The following GKAP1 variants were observed in gnomAD, a reference collection of about 807,000 sequenced individuals.
The protein encoded by GKAP1 is G kinase-anchoring protein 1.
In GKAP1, 31 loss-of-function variants were observed where a neutral mutation model predicts 56.7. That is an observed-to-expected ratio of 0.55 (90% CI 0.41 to 0.74). The LOEUF is 0.74. GKAP1 is among the 30% of genes least tolerant of loss of function. GKAP1 has a pLI of 0.00. For missense variants in GKAP1, 364 were observed against 402.3 expected, an observed-to-expected ratio of 0.90 and a Z score of 0.82; for synonymous variants, 151 against 138.6, an observed-to-expected ratio of 1.09 and a Z score of -0.63.
chr9:83,743,261 A>T (rs1012223045), intron 10 of GKAP1, among the ~76,000 whole-genome samples: 2 of 152,208 alleles, frequency 1.3e-5, no homozygotes, highest in African/African-American at 4.8e-5. Context: ...AAAATTTCAC[A>T]TATGGAAAAA....
chr9:83,763,167 G>A (rs1016851754), intron 8 of GKAP1, among the ~76,000 whole-genome samples: 2 of 152,186 alleles, frequency 1.3e-5, no homozygotes, highest in Middle Eastern at 6.3e-3. Context: ...TATGCTAAGT[G>A]AAATAAGCCA....
At chr9:83,753,112 T>A (rs1227340901) in intron 9 of GKAP1, 146 bp downstream of exon 9, 1 of 566,552 alleles carries the variant, frequency 1.8e-6, no homozygotes, top group Admixed American at 3.4e-5. Flanking sequence ...TCATTCAGAC[T>A]TTAAACCATT....
chr9:83,769,063 G>T, intron 7 of GKAP1, 93 bp from the exon 8 acceptor site: 1 of 885,758 alleles, frequency 1.1e-6, no homozygotes, highest in Non-Finnish European at 1.7e-6. Flanking sequence ...TATGCATTTA[G>T]TACACCTAGT....
chr9:83,754,195 G>A (rs1200250870), intron 8 of GKAP1, among the ~76,000 whole-genome samples: 2 of 152,176 alleles, frequency 1.3e-5, no homozygotes, highest in African/African-American at 2.4e-5. Flanking sequence ...TTTAAAAAGT[G>A]AGAAAATGCT....
chr9:83,788,653 T>A lies in GKAP1; in HGVS notation c.386A>T (p.Asp129Val). 6.2e-7 allele frequency: 1 copy of A among 1,606,294 alleles called. No individual in the cohort carries two copies. Among genetic ancestry groups the A allele is most frequent in the African/African-American group, 1.3e-5 (1 of 74,870 alleles). Residue 129 changes from aspartate to valine, a missense_variant, in exon 5 of 13, where the codon GAT (aspartate) becomes GTT (valine). Transcript: ENST00000376371. ...ACTTAGTAACAATGCCTTCTCAAGA[T>A]CTGCTTCAAACATTTCAGATGTCAG... is the stretch of plus-strand genomic sequence containing the variant. ...EQLTSEMFEADLEKALLLSKL... is the reference protein window; with the variant it reads ...EQLTSEMFEAVLEKALLLSKL...
chr9:83,816,111 C>T (rs1466861127), intron 2 of GKAP1, among the ~76,000 whole-genome samples: 1 of 151,218 alleles, frequency 6.6e-6, no homozygotes. Context: ...GCTGCTTGAA[C>T]CTGGAAGGCA....
chr9:83,812,753 T>C (rs1415278817), intron 2 of GKAP1, among the ~76,000 whole-genome samples: 2 of 152,038 alleles, frequency 1.3e-5, no homozygotes, highest in East Asian at 3.9e-4. Flanking sequence ...ACAATATTGA[T>C]TTTTTTGCCC....
At chr9:83,779,548 CGTGTATATGTGTATATAT>C in intron 7 of GKAP1, among the ~76,000 whole-genome samples, 1 of 91,146 alleles carries the variant, frequency 1.1e-5, no homozygotes, top group East Asian at 4.2e-4. Flanking sequence ...TATATATACA[CGTGTATATGTGTATATAT>C]ATACACACAT....
At chr9:83,804,921 G>A (rs1345175924) in intron 3 of GKAP1, among the ~76,000 whole-genome samples, 1 of 151,928 alleles carries the variant, frequency 6.6e-6, no homozygotes, top group Non-Finnish European at 1.5e-5. Context: ...GCCCCTACTG[G>A]GAAGTGAGGA....
At chr9:83,746,213 T>C (rs1943290906) in intron 10 of GKAP1, among the ~76,000 whole-genome samples, 2 of 152,256 alleles carry the variant, frequency 1.3e-5, no homozygotes, top group African/African-American at 4.8e-5. Flanking sequence ...TTTTTACTCA[T>C]TGTTTGACAA....
intron 3 of GKAP1, among the ~76,000 whole-genome samples, chr9:83,804,536 C>T: frequency 1.3e-5 from 1 of 78,968 alleles, no homozygotes; most frequent in Non-Finnish European, 2.6e-5. Flanking sequence ...GGGGGTCAGC[C>T]CCCCGCCCAG....
intron 9 of GKAP1, among the ~76,000 whole-genome samples, chr9:83,749,480 G>A (rs902555149): frequency 6.6e-6 from 1 of 152,004 alleles, no homozygotes; most frequent in Non-Finnish European, 1.5e-5. Context: ...ACCCGCCTTG[G>A]CCTCCCCAAA....
chr9:83,788,201 C>T (rs1323241389), intron 5 of GKAP1, among the ~76,000 whole-genome samples: 1 of 152,176 alleles, frequency 6.6e-6, no homozygotes, highest in Admixed American at 6.5e-5. Flanking sequence ...TCGCTTGAAC[C>T]TGGGAGGCGG....
chr9:83,774,267 G>T (rs1943813023), intron 7 of GKAP1, among the ~76,000 whole-genome samples: 1 of 151,962 alleles, frequency 6.6e-6, no homozygotes, highest in Non-Finnish European at 1.5e-5. Context: ...AATACCAATG[G>T]GGACACTGGC....
intron 5 of GKAP1, among the ~76,000 whole-genome samples, chr9:83,786,108 CCTT>C (rs1161395437): frequency 2.0e-5 from 3 of 152,114 alleles, no homozygotes; most frequent in South Asian, 2.1e-4. Context: ...CACTGAAAAG[CCTT>C]CTATTATTCT....
chr9:83,755,549 C>A (rs1943460049), intron 8 of GKAP1, among the ~76,000 whole-genome samples: 1 of 151,410 alleles, frequency 6.6e-6, no homozygotes, highest in South Asian at 2.1e-4. Flanking sequence ...TTTTAGAAAT[C>A]TTGATGAATA....
rs528359144 is a variant in GKAP1, at chr9:83,760,090, T to C, written c.739-6731A>G. On this transcript the variant is annotated intron_variant, in intron 8 of 12. Coordinates refer to ENST00000376371, the MANE Select transcript of GKAP1 (RefSeq NM_025211.4). The stretch of plus-strand genomic sequence containing the variant: ...CTGCATGTTCAAATTCTATTGTCTT[T>C]ATAGAACAGCTGAATGGATTAAAAA... Among the ~76,000 whole-genome samples the C allele has an allele frequency of 2.6e-5, 4 of 152,284 alleles. No individual in the cohort carries two copies. In the South Asian group the frequency reaches 8.3e-4, roughly 32 times the overall value.
At chr9:83,811,640 A>T (rs1371218336) in intron 2 of GKAP1, among the ~76,000 whole-genome samples, 1 of 152,206 alleles carries the variant, frequency 6.6e-6, no homozygotes, top group East Asian at 1.9e-4. Flanking sequence ...CTGAAAGGGT[A>T]CTTCTGTCAG....
In GKAP1 at chr9:83,793,025, T is replaced by C. The variant is rs1029181494; in HGVS notation, c.361-4347A>G. On this transcript the variant is annotated intron_variant, in intron 4 of 12. Transcript: ENST00000376371. ...TTGCCTCCTACTCCCCATCTAGTAG[T>C]AAAACATTTTTTCTTCTATTTAAGC... 10 of 1,272,966 alleles carry C rather than the reference T, an allele frequency of 7.9e-6. No individual in the cohort carries two copies. The South Asian group carries it at 1.0e-4, about 13-fold the overall frequency. The allele number at this position is 1,272,966 out of a possible 1,614,324, so 78.9% of individuals were successfully genotyped here.
Sources: allele counts gnomAD v4.1 joint callset (sites outside exome capture counted in the v4.1 genomes callset), GRCh38; gene constraint gnomAD v4.1.1; transcripts MANE v1.5; gene names NCBI Gene and HGNC (gene_info 2026-07-23, HGNC 2026-07-21).